The following ZNF273 variants were observed in gnomAD, a reference collection of about 807,000 sequenced individuals.
The protein encoded by ZNF273 is zinc finger protein 273, also known as zinc finger protein 9.
A neutral mutation model predicts 14.9 loss-of-function variants in ZNF273; 11 were observed. That is an observed-to-expected ratio of 0.74 (90% CI 0.46 to 1.22). The LOEUF is 1.22. Among genes scored for constraint, ZNF273 ranks in the 50% most tolerant of loss-of-function variants. The pLI, the probability that ZNF273 is intolerant of heterozygous loss-of-function variation, is 0.00. For missense variants in ZNF273, 577 were observed against 660.6 expected (o/e 0.87, Z 1.39); for synonymous variants, 199 against 223.9 (o/e 0.89, Z 0.99).
intron 3 of ZNF273, among the ~76,000 whole-genome samples, chr7:64,919,642 T>A (rs1794286870): frequency 2.6e-5 from 4 of 152,176 alleles, no homozygotes. Context: ...AAAGATTTTT[T>A]ACCTGCTTGG....
chr7:64,902,753 T>G (rs143676234), upstream of ZNF273, among the ~76,000 whole-genome samples: 1,261 of 152,000 alleles, frequency 8.3e-3, 13 homozygotes, highest in African/African-American at 0.029. Context: ...AAACTGGAAG[T>G]GGGGAGGCGG....
the ZNF273 span, among the ~76,000 whole-genome samples, chr7:64,936,856 T>C: frequency 6.6e-6 from 1 of 152,206 alleles, no homozygotes; most frequent in African/African-American, 2.4e-5. Context: ...TTGTTTTTTA[T>C]TGGTGTAAAG....
upstream of ZNF273, among the ~76,000 whole-genome samples, chr7:64,900,450 C>A (rs755369912): frequency 7.2e-5 from 11 of 152,066 alleles, no homozygotes; most frequent in Non-Finnish European, 1.5e-4. Flanking sequence ...TAAAAGAGTC[C>A]CTGGCAAGGT....
chr7:64,885,040 G>A (rs956262660), intron 1 of ZNF273, among the ~76,000 whole-genome samples: 2 of 152,228 alleles, frequency 1.3e-5, no homozygotes, highest in Non-Finnish European at 1.5e-5. Context: ...TGTCGCGAGC[G>A]GTGAGCCTTG....
At chr7:64,905,109 CTTTTTTTTTTTTT>C (rs61024093) in intron 1 of ZNF273, among the ~76,000 whole-genome samples, 1,244 of 75,386 alleles carry the variant, frequency 0.017, 20 homozygotes, top group African/African-American at 0.061. Flanking sequence ...TCCTGGTGCA[CTTTTTTTTTTTTT>C]TTTTTTTTTT....
chr7:64,908,489 G>C (rs1267137083), intron 1 of ZNF273, among the ~76,000 whole-genome samples: 1 of 152,164 alleles, frequency 6.6e-6, no homozygotes, highest in South Asian at 2.1e-4. Context: ...ATGGAGTCTT[G>C]CTCTGTTACT....
chr7:64,878,452 C>T (rs988069859), exon 2 of ZNF273: 6 of 152,324 alleles, frequency 3.9e-5, no homozygotes, highest in African/African-American at 1.4e-4. Context: ...GAGCACTCCT[C>T]CATCGTCTTG....
intron 1 of ZNF273, among the ~76,000 whole-genome samples, chr7:64,885,861 G>C (rs1791543909): frequency 6.6e-6 from 1 of 152,212 alleles, no homozygotes; most frequent in Admixed American, 6.5e-5. Context: ...GGAAGGCCCA[G>C]ATCAGATCTT....
chr7:64,927,988 A>G lies in ZNF273; in HGVS notation c.660A>G (p.Gln220=), dbSNP rs776027553. 1.1e-4 allele frequency: 181 copies of G among 1,606,418 alleles called. No homozygotes were observed. The highest frequency in any genetic ancestry group is 1.5e-4 in the Non-Finnish European group (173 of 1,177,016). ...ECGKSCCILS[Q]LTQHKKTATR... Reference sequence around the variant, plus strand: ...GCAAATCATGTTGCATACTTTCACAACTAACTCAGCATAAGAAAACTGCTA... The same window carrying G: ...GCAAATCATGTTGCATACTTTCACAGCTAACTCAGCATAAGAAAACTGCTA... The change falls in exon 4 of 4, where the codon CAA becomes CAG. Residue 220 remains glutamine (Q), a synonymous_variant. Coordinates refer to ENST00000476120, the MANE Select transcript of ZNF273 (RefSeq NM_021148.3).
At chr7:64,905,146 C>T (rs1035892699) in intron 1 of ZNF273, among the ~76,000 whole-genome samples, 26 of 115,860 alleles carry the variant, frequency 2.2e-4, no homozygotes, top group African/African-American at 5.1e-4. Flanking sequence ...GAGACAGTCT[C>T]ATTCTGTCGC....
At chr7:64,882,000 C>A (rs4718153), downstream of ZNF273, among the ~76,000 whole-genome samples, 60,877 of 151,910 alleles carry the variant, frequency 0.4, 12,462 homozygotes, top group South Asian at 0.45. Flanking sequence ...GGGGTGAGAC[C>A]TCTTCTCCAC....
chr7:64,908,537 C>T (rs1039784696), intron 1 of ZNF273, among the ~76,000 whole-genome samples: 1 of 152,172 alleles, frequency 6.6e-6, no homozygotes, highest in African/African-American at 2.4e-5. Flanking sequence ...ACTGCAACCT[C>T]TGCCTGCCAG....
downstream of ZNF273, among the ~76,000 whole-genome samples, chr7:64,935,616 G>A (rs543380540): frequency 2.6e-5 from 4 of 152,078 alleles, no homozygotes; most frequent in East Asian, 1.9e-4. Flanking sequence ...TCTGCCTCCC[G>A]GGTGCAAGCT....
rs147847129 is a variant in ZNF273 at position 64,924,618 on chromosome 7, A to C, written c.326-3036A>C. On this transcript the variant is annotated intron_variant, in intron 3 of 3. Coordinates refer to ENST00000476120, the MANE Select transcript of ZNF273 (RefSeq NM_021148.3). ...TTGTCTCTTTGGAGTTTTGACTTAA[A>C]GTACATTTTATAAAATACGACAGTT... 3.7e-3 allele frequency among the ~76,000 whole-genome samples: 563 copies of C among 152,302 alleles called. 4 individuals are homozygous for C. Among genetic ancestry groups the C allele is most frequent in the African/African-American group, 0.013 (528 of 41,566 alleles).
At chr7:64,879,736 C>G (rs1791200813), downstream of ZNF273, 1 of 152,098 alleles carries the variant, frequency 6.6e-6, no homozygotes, top group Admixed American at 6.5e-5. Context: ...AAGACTGTAT[C>G]TCCAGCCCAA....
upstream of ZNF273, among the ~76,000 whole-genome samples, chr7:64,899,387 G>A (rs1583975109): frequency 2.6e-5 from 4 of 152,202 alleles, no homozygotes; most frequent in African/African-American, 7.2e-5. Context: ...AGGCGCAGTG[G>A]CTCACGCCTG....
upstream of ZNF273, among the ~76,000 whole-genome samples, chr7:64,902,871 G>A (rs916161923): frequency 5.9e-5 from 9 of 152,184 alleles, no homozygotes; most frequent in African/African-American, 1.9e-4. Context: ...GTGAGCAGAG[G>A]GGTGACTTTG....
downstream of ZNF273, among the ~76,000 whole-genome samples, chr7:64,884,602 CG>C (rs1791469962): frequency 6.6e-6 from 1 of 152,156 alleles, no homozygotes; most frequent in African/African-American, 2.4e-5. Flanking sequence ...CCTGGATGAA[CG>C]GAGGCAGTGA....
chr7:64,879,785 G>C (rs980715446), downstream of ZNF273: 1 of 152,234 alleles, frequency 6.6e-6, no homozygotes, highest in South Asian at 2.1e-4. Context: ...TTCGGGAATG[G>C]AATCAGAAAC....
Sources: gnomAD v4.1 joint callset for allele counts (sites outside exome capture counted in the v4.1 genomes callset) on GRCh38, gnomAD v4.1.1 for gene constraint, MANE v1.5 for transcripts, NCBI Gene and HGNC (gene_info 2026-07-23, HGNC 2026-07-21) for gene names.